The following ATP6V1H variants were observed in gnomAD, a reference collection of about 807,000 sequenced individuals.
The protein encoded by ATP6V1H is V-type proton ATPase subunit H.
In ATP6V1H, 39 loss-of-function variants were observed where a neutral mutation model predicts 71.7. The ratio of observed to expected loss-of-function variants is 0.54; its 90% CI spans 0.42 to 0.71. ATP6V1H has a LOEUF of 0.71. Ranked by LOEUF, ATP6V1H falls within the 30% of genes least tolerant of loss-of-function variation. The pLI is 0.00. For synonymous variants in ATP6V1H, 192 were observed against 199.3 expected, an observed-to-expected ratio of 0.96 and a Z score of 0.31; for missense variants, 509 against 594.9, an observed-to-expected ratio of 0.86 and a Z score of 1.50.
chr8:53,775,156 C>T (rs938953034), intron 9 of ATP6V1H, among the ~76,000 whole-genome samples: 1 of 152,112 alleles, frequency 6.6e-6, no homozygotes, highest in African/African-American at 2.4e-5. Context: ...CAGACCTTCG[C>T]GGTGAGTGTT....
chr8:53,771,934 A>G (rs1263624178), intron 10 of ATP6V1H, 55 bp downstream of exon 10: 1 of 1,506,022 alleles, frequency 6.6e-7, no homozygotes, highest in Non-Finnish European at 9.1e-7. Flanking sequence ...AATGCTATGC[A>G]AGTCAAACAA....
intron 13 of ATP6V1H, among the ~76,000 whole-genome samples, chr8:53,738,444 C>T (rs1807304610): frequency 6.6e-6 from 1 of 152,178 alleles, no homozygotes; most frequent in South Asian, 2.1e-4. Context: ...TTTTTCTCTA[C>T]CTCTCCTTAC....
At position 53,793,068 on chromosome 8, in the gene ATP6V1H, T is replaced by C. The variant is rs148526626; in HGVS notation, c.870+2579A>G. On this transcript the variant is annotated intron_variant, in intron 9 of 13. Coordinates refer to ENST00000359530, the MANE Select transcript of ATP6V1H (RefSeq NM_015941.4). ...TTAACTACCGACACCTAGAAAAGAG[T>C]TCCTACACATCAAATTTTAAAATTT... Among the ~76,000 whole-genome samples the C allele has an allele frequency of 2.2e-3, 337 of 151,560 alleles. 2 individuals are homozygous for C. The highest frequency in any genetic ancestry group is 7.9e-3 in the African/African-American group (326 of 41,344).
At chr8:53,755,524 G>T in intron 12 of ATP6V1H, among the ~76,000 whole-genome samples, 1 of 148,012 alleles carries the variant, frequency 6.8e-6, no homozygotes, top group South Asian at 2.2e-4. Context: ...TGGGAGTGGC[G>T]ATTCTTTTCC....
rs527488450 is a variant in ATP6V1H at position 53,819,097 on chromosome 8, T to A, written c.307-1567A>T. ...GGCACACGCCTATGGTCCCAGCTAC[T>A]CAAGAGACGGAGGTGGGAGGATCAC... On this transcript the variant is annotated intron_variant, in intron 4 of 13. Coordinates refer to ENST00000359530, the MANE Select transcript of ATP6V1H (RefSeq NM_015941.4). 3.0e-4 allele frequency among the ~76,000 whole-genome samples: 46 copies of A among 151,846 alleles called. No individual in the cohort carries two copies. In the East Asian group the frequency reaches 4.1e-3, roughly 14 times the overall value.
At chr8:53,793,932 G>C (rs1809647033) in intron 9 of ATP6V1H, among the ~76,000 whole-genome samples, 1 of 151,908 alleles carries the variant, frequency 6.6e-6, no homozygotes, top group Non-Finnish European at 1.5e-5. Flanking sequence ...CAGTGAGACT[G>C]TCTTTAAAAA....
intron 12 of ATP6V1H, among the ~76,000 whole-genome samples, chr8:53,744,289 G>C (rs776759293): frequency 1.3e-5 from 2 of 152,086 alleles, no homozygotes; most frequent in African/African-American, 4.8e-5. Flanking sequence ...CGAGACCACC[G>C]AGATGACTGA....
intron 9 of ATP6V1H, among the ~76,000 whole-genome samples, chr8:53,786,513 T>C (rs1348536550): frequency 6.6e-6 from 1 of 152,168 alleles, no homozygotes; most frequent in Admixed American, 6.5e-5. Context: ...CACCCTGCTT[T>C]GGCTCACGCA....
chr8:53,766,226 T>C (rs149845959), intron 11 of ATP6V1H, among the ~76,000 whole-genome samples: 180 of 152,288 alleles, frequency 1.2e-3, no homozygotes, highest in Admixed American at 4.1e-3. Context: ...TTCCCCAAAT[T>C]AATACTTTTG....
At chr8:53,722,475 T>C (rs1459120660) in intron 13 of ATP6V1H, among the ~76,000 whole-genome samples, 1 of 152,184 alleles carries the variant, frequency 6.6e-6, no homozygotes, top group East Asian at 1.9e-4. Context: ...GGACTTCTAA[T>C]AAGAACGTTT....
rs143533623 is a variant in ATP6V1H at position 53,746,103 on chromosome 8, G to C, written c.1278-2413C>G. On this transcript the variant is annotated intron_variant, in intron 12 of 13. Transcript: ENST00000359530. ...AATGTGAGCACTTTCCCCCACGTTG[G>C]GCACTGTGCTAAATGTTCATATTTT... Among the ~76,000 whole-genome samples the C allele has an allele frequency of 1.4e-4, 21 of 152,150 alleles. No homozygotes were observed. In the South Asian group the frequency reaches 4.4e-3, roughly 32 times the overall value.
intron 11 of ATP6V1H, among the ~76,000 whole-genome samples, chr8:53,768,914 G>T (rs534573051): frequency 1.3e-5 from 2 of 152,096 alleles, no homozygotes; most frequent in Non-Finnish European, 2.9e-5. Flanking sequence ...CAGATGAATT[G>T]TATGCTATAC....
Position 53,812,109 on chromosome 8 carries a change from A to G in ATP6V1H, c.526-892T>C, listed in dbSNP as rs141655361. Reference sequence around the variant, plus strand: ...GTTACTTTTTAAAACGAAGAGTCTGAATTTTAATCATGATAGAAGGCTATG... The same window carrying G: ...GTTACTTTTTAAAACGAAGAGTCTGGATTTTAATCATGATAGAAGGCTATG... On this transcript the variant is annotated intron_variant, in intron 6 of 13. Transcript: ENST00000359530. 2.2e-3 allele frequency among the ~76,000 whole-genome samples: 338 copies of G among 152,264 alleles called. 2 individuals carry two copies. Among genetic ancestry groups the G allele is most frequent in the African/African-American group, 7.9e-3 (327 of 41,546 alleles).
rs746974471 is a variant in ATP6V1H, at chr8:53,772,101, T to C, written c.937A>G (p.Lys313Glu). ...QEYALAMIQCKVLKQLENLEQ... is the reference protein window; with the variant it reads ...QEYALAMIQCEVLKQLENLEQ... The stretch of plus-strand genomic sequence containing the variant: ...AAGTTCTCCAACTGTTTCAGAACTT[T>C]GCACTGAATCATAGCCAGGGCATAT... The change falls in exon 10 of 14, where the codon AAA becomes GAA. Residue 313 changes from lysine (K) to glutamate (E), a missense_variant. By Grantham distance (56) the Lys-to-Glu change is moderately conservative (BLOSUM62 1). Around this residue, in one of 2 missense-constraint regions of ATP6V1H, gnomAD observed 212 missense variants for 291.6 expected, o/e 0.73. Transcript: ENST00000359530. 2 of 1,614,070 alleles carry C rather than the reference T, an allele frequency of 1.2e-6. No homozygotes were observed. The highest frequency in any genetic ancestry group is 3.3e-5 in the Admixed American group (2 of 60,028).
At chr8:53,726,148 A>G (rs938168195) in intron 13 of ATP6V1H, among the ~76,000 whole-genome samples, 1 of 152,228 alleles carries the variant, frequency 6.6e-6, no homozygotes, top group African/African-American at 2.4e-5. Flanking sequence ...ACAAATAAGA[A>G]CACTTTCAAC....
At chr8:53,803,363 A>G (rs574710439) in intron 7 of ATP6V1H, among the ~76,000 whole-genome samples, 1 of 152,214 alleles carries the variant, frequency 6.6e-6, no homozygotes, top group Admixed American at 6.5e-5. Context: ...CAGAAGAAGA[A>G]GAAGAGAAAG....
intron 9 of ATP6V1H, among the ~76,000 whole-genome samples, chr8:53,779,297 C>A (rs1809009606): frequency 6.6e-6 from 1 of 151,838 alleles, no homozygotes; most frequent in Non-Finnish European, 1.5e-5. Flanking sequence ...TAAAATGAGT[C>A]CCAAATTTCA....
At chr8:53,821,926 A>G (rs1810676519) in intron 4 of ATP6V1H, among the ~76,000 whole-genome samples, 1 of 152,232 alleles carries the variant, frequency 6.6e-6, no homozygotes, top group Admixed American at 6.5e-5. Context: ...AACATCTGGA[A>G]AAATAAAATA....
At chr8:53,837,127 G>C (rs1811183200) in intron 2 of ATP6V1H, among the ~76,000 whole-genome samples, 1 of 151,570 alleles carries the variant, frequency 6.6e-6, no homozygotes, top group African/African-American at 2.4e-5. Flanking sequence ...GGCGACAAGA[G>C]TGAAACTCCA....
Sources: gnomAD v4.1 joint callset for allele counts (sites outside exome capture counted in the v4.1 genomes callset) on GRCh38, gnomAD v4.1.1 for gene constraint, gnomAD v4.1.1 regional missense constraint, MANE v1.5 for transcripts, NCBI Gene and HGNC (gene_info 2026-07-23, HGNC 2026-07-21) for gene names.